Variants in PIEZO2 observed in about 807,000 individuals in gnomAD.
PIEZO2 encodes the protein piezo type mechanosensitive ion channel component 2.
In PIEZO2, 172 loss-of-function variants were observed where a neutral mutation model predicts 337.3. The observed-to-expected ratio is 0.51, with a 90% CI of 0.45 to 0.58. The LOEUF is 0.58. Among genes scored for constraint, PIEZO2 ranks in the 20% least tolerant of loss-of-function variants. The pLI, the probability that PIEZO2 is intolerant of heterozygous loss-of-function variation, is 0.00. For synonymous variants in PIEZO2, 1,251 were observed against 1,228.5 expected (o/e 1.02, Z -0.38); for missense variants, 3,028 against 3,391.3 (o/e 0.89, Z 2.66).
chr18:10,948,579 G>A (rs759415266), intron 3 of PIEZO2, among the ~76,000 whole-genome samples: 2 of 152,166 alleles, frequency 1.3e-5, no homozygotes, highest in African/African-American at 4.8e-5. Context: ...CACTAATGAG[G>A]TTAGGACATG....
intron 7 of PIEZO2, among the ~76,000 whole-genome samples, chr18:10,827,788 C>T (rs1365183134): frequency 1.3e-5 from 2 of 152,244 alleles, no homozygotes; most frequent in Non-Finnish European, 2.9e-5. Context: ...CCTCTCTTCT[C>T]TCTACCTGTC....
rs796157559 is a variant in PIEZO2, at chr18:11,001,122, T to C, written c.161-21462A>G. 3.3e-5 allele frequency among the ~76,000 whole-genome samples: 5 copies of C among 152,240 alleles called. No homozygotes were observed. The highest frequency in any genetic ancestry group is 1.2e-4 in the African/African-American group (5 of 41,530). Reference sequence around the variant, plus strand: ...ATATGTGTCTTGGTCATGGAGGGGATTGTGTGTCATGCCACAGAGCCATTT... The same window carrying C: ...ATATGTGTCTTGGTCATGGAGGGGACTGTGTGTCATGCCACAGAGCCATTT... On this transcript the variant is annotated intron_variant, in intron 2 of 55. Transcript: ENST00000674853. This position sits in a 1 kb window ranked among gnomAD's most constrained non-coding sequence, Gnocchi z 5.3.
chr18:10,746,736 C>T lies in PIEZO2; in HGVS notation c.4424+1735G>A, dbSNP rs538801766. Among the ~76,000 whole-genome samples the T allele has an allele frequency of 6.6e-6, 1 of 152,146 alleles. No homozygotes were observed. The highest frequency in any genetic ancestry group is 1.5e-5 in the Non-Finnish European group (1 of 68,028). ...CAAGGGGGGTCTCTTGCCCCTTCCACCAAAATAGGATGCAGTGGGAAGATG... is the reference window on the plus strand; with the variant it reads ...CAAGGGGGGTCTCTTGCCCCTTCCATCAAAATAGGATGCAGTGGGAAGATG... On this transcript the variant is annotated intron_variant, in intron 30 of 55. Coordinates refer to ENST00000674853, the MANE Select transcript of PIEZO2 (RefSeq NM_001378183.1). This position sits in a 1 kb window ranked among gnomAD's most constrained non-coding sequence, Gnocchi z 4.2.
rs1598588447 is a variant in PIEZO2, at chr18:10,855,540, A to G, written c.730T>C (p.Ser244Pro). 2.0e-6 allele frequency: 3 copies of G among 1,536,918 alleles called. No homozygotes were observed. Among genetic ancestry groups the G allele is most frequent in the Non-Finnish European group, 2.6e-6 (3 of 1,146,840 alleles). The change falls in exon 7 of 56, where the codon TCT (serine) becomes CCT (proline). Residue 244 changes from serine (S) to proline (P), a missense_variant. Transcript: ENST00000674853. This position sits in a 1 kb window ranked among gnomAD's most constrained non-coding sequence, Gnocchi z 4.9. Reference protein sequence around the residue: ...SGMMLPSLTSSVYFFVFLGLC... With the variant: ...SGMMLPSLTSPVYFFVFLGLC... ...CCCAAAAATACAAAAAAATACACAGATGATGTCAAAGACGGCAACATCATG... is the reference window on the plus strand; with the variant it reads ...CCCAAAAATACAAAAAAATACACAGGTGATGTCAAAGACGGCAACATCATG...
At position 10,853,454 on chromosome 18, in the gene PIEZO2, GA is replaced by G. The variant is rs1180908729; in HGVS notation, c.917+1898del. Among the ~76,000 whole-genome samples, 1 of 152,126 alleles carries G rather than the reference GA, an allele frequency of 6.6e-6. No individual in the cohort carries two copies. Among genetic ancestry groups the G allele is most frequent in the African/African-American group, 2.4e-5 (1 of 41,416 alleles). On this transcript the variant is annotated intron_variant, in intron 7 of 55. Coordinates refer to ENST00000674853, the MANE Select transcript of PIEZO2 (RefSeq NM_001378183.1). This position sits in a 1 kb window ranked among gnomAD's most constrained non-coding sequence, Gnocchi z 4.2. ...CTCTCCTGCCTTATGCACCTCAGTA[GA>G]ATTCATTTTTCTAAGGAAGCAAAAA...
rs55699138 is a variant in PIEZO2, at chr18:10,853,982, T to C, written c.917+1371A>G. On this transcript the variant is annotated intron_variant, in intron 7 of 55. Coordinates refer to ENST00000674853, the MANE Select transcript of PIEZO2 (RefSeq NM_001378183.1). The surrounding 1 kb of genome is among the most constrained non-coding windows in gnomAD (Gnocchi z 4.2). ...ACCAGGATCTGATCTACAGCTGTGC[T>C]TCACACAGGTTTAAGTATCTACTGT... Among the ~76,000 whole-genome samples, 34,130 of 152,136 alleles carry C rather than the reference T, an allele frequency of 0.22. 3,856 individuals are homozygous for C. The highest frequency in any genetic ancestry group is 0.23 in the East Asian group (1,186 of 5,180).
rs1255850264 is a variant in PIEZO2, at chr18:11,021,169, A to T, written c.161-41509T>A. 6.6e-6 allele frequency among the ~76,000 whole-genome samples: 1 copy of T among 152,136 alleles called. No individual in the cohort carries two copies. ...CATGAAAGAAACTCTAGTCATCTCC[A>T]CCGGTTCTCCAAACCACACCATCTC... On this transcript the variant is annotated intron_variant, in intron 2 of 55. Transcript: ENST00000674853. This position sits in a 1 kb window ranked among gnomAD's most constrained non-coding sequence, Gnocchi z 4.7.
intron 5 of PIEZO2, among the ~76,000 whole-genome samples, chr18:10,864,415 C>T (rs1417580481): frequency 6.6e-6 from 1 of 151,986 alleles, no homozygotes; most frequent in Non-Finnish European, 1.5e-5. Context: ...GTCCTAAGGA[C>T]ATTGAGAGAA....
At chr18:10,708,975 A>G (rs17564849) in intron 39 of PIEZO2, among the ~76,000 whole-genome samples, 34,720 of 152,084 alleles carry the variant, frequency 0.23, 4,516 homozygotes, top group Non-Finnish European at 0.3. Flanking sequence ...TGAATTTTGC[A>G]CCCCATTTTT....
At chr18:10,860,250 T>C (rs779412790) in intron 5 of PIEZO2, among the ~76,000 whole-genome samples, 5 of 152,182 alleles carry the variant, frequency 3.3e-5, no homozygotes, top group Admixed American at 6.5e-5. Flanking sequence ...AATACAGAGA[T>C]GGCCCTCCTC....
rs1449807650 is a variant in PIEZO2 at position 10,784,765 on chromosome 18, G to A, written c.2492+19C>T. On this transcript the variant is annotated intron_variant, in intron 17 of 55. Coordinates refer to ENST00000674853, the MANE Select transcript of PIEZO2 (RefSeq NM_001378183.1). This position sits in a 1 kb window ranked among gnomAD's most constrained non-coding sequence, Gnocchi z 4.5. The stretch of plus-strand genomic sequence containing the variant: ...GCCTTCCTGCTAATAAGAGGTCTGT[G>A]TTTCTTCCAGTGGCTCACCTGTAGA... The A allele has an allele frequency of 6.6e-7, 1 of 1,518,784 alleles. No individual in the cohort carries two copies. The highest frequency in any genetic ancestry group is 2.5e-5 in the East Asian group (1 of 40,658). 94.1% of individuals were successfully genotyped at this position (1,518,784 alleles called of 1,614,324 possible).
chr18:10,869,248 A>C (rs2042081468), intron 5 of PIEZO2, among the ~76,000 whole-genome samples: 1 of 152,202 alleles, frequency 6.6e-6, no homozygotes, highest in Non-Finnish European at 1.5e-5. Context: ...TCAGCATCAC[A>C]CACTAGGCGG....
intron 3 of PIEZO2, among the ~76,000 whole-genome samples, chr18:10,964,659 G>A (rs1190619475): frequency 1.3e-5 from 2 of 152,160 alleles, no homozygotes; most frequent in Non-Finnish European, 2.9e-5. Flanking sequence ...ACTGATGGCA[G>A]TACTTGTTCA....
Position 10,684,275 on chromosome 18 carries a change from C to T in PIEZO2, c.7498-1983G>A, listed in dbSNP as rs1442961003. Among the ~76,000 whole-genome samples the T allele has an allele frequency of 8.8e-5, 13 of 147,286 alleles. No homozygotes were observed. In the South Asian group the frequency reaches 2.4e-3, roughly 27 times the overall value. On this transcript the variant is annotated intron_variant, in intron 49 of 55. Coordinates refer to ENST00000674853, the MANE Select transcript of PIEZO2 (RefSeq NM_001378183.1). ...CCACCTCCTGGGTTCACGCCATTCTCCTGCCTCAGCCTCCCAAGTAGCTGG... is the reference window on the plus strand; with the variant it reads ...CCACCTCCTGGGTTCACGCCATTCTTCTGCCTCAGCCTCCCAAGTAGCTGG...
chr18:10,818,629 A>G (rs954024326), intron 7 of PIEZO2, among the ~76,000 whole-genome samples: 2 of 152,246 alleles, frequency 1.3e-5, no homozygotes, highest in African/African-American at 4.8e-5. Context: ...ATCACTAAAA[A>G]TTCTATCTCA....
At position 10,691,357 on chromosome 18, in the gene PIEZO2, T is replaced by A; in HGVS notation, c.7217A>T (p.Gln2406Leu). Residue 2406 changes from glutamine (Q) to leucine (L), a missense_variant, in exon 48 of 56, where the codon CAG (glutamine) becomes CTG (leucine). Physicochemically the swap from Gln to Leu is moderately radical, Grantham distance 113 (BLOSUM62 -2). Coordinates refer to ENST00000674853, the MANE Select transcript of PIEZO2 (RefSeq NM_001378183.1). Reference protein sequence around the residue: ...ERKFSQNLVAQLWYFVKCVYF... With the variant: ...ERKFSQNLVALLWYFVKCVYF... ...AACACATTTCACAAAGTACCAAAGC[T>A]GGGCAACCAGGTTCTGGCTGAATTT... 1 of 1,612,494 alleles carries A rather than the reference T, an allele frequency of 6.2e-7. No individual in the cohort carries two copies.
intron 3 of PIEZO2, among the ~76,000 whole-genome samples, chr18:10,963,928 G>T (rs1356773505): frequency 2.0e-5 from 3 of 152,150 alleles, no homozygotes; most frequent in East Asian, 3.8e-4. Context: ...TGGGAGGGGG[G>T]AGTAGAAAGT....
chr18:10,931,671 C>A (rs752114201), intron 3 of PIEZO2, among the ~76,000 whole-genome samples: 1 of 151,292 alleles, frequency 6.6e-6, no homozygotes, highest in Non-Finnish European at 1.5e-5. Context: ...CTCTCTCCCT[C>A]TCATTCTCTC....
intron 4 of PIEZO2, among the ~76,000 whole-genome samples, chr18:10,890,246 T>G (rs2042717113): frequency 6.6e-6 from 1 of 152,198 alleles, no homozygotes. Flanking sequence ...TTGCTTGAAC[T>G]AAAGTGTGAG....
Sources: gnomAD v4.1 joint callset for allele counts (sites outside exome capture counted in the v4.1 genomes callset) on GRCh38, gnomAD v4.1.1 for gene constraint, Gnocchi (gnomAD v3.1) non-coding constraint, MANE v1.5 for transcripts, NCBI Gene and HGNC (gene_info 2026-07-23, HGNC 2026-07-21) for gene names.